Variants in ZDHHC7 observed in about 807,000 individuals in gnomAD.
ZDHHC7 encodes the protein palmitoyltransferase ZDHHC7.
ZDHHC7 carries 12 observed loss-of-function variants against 34.1 expected under a neutral mutation model. That is an observed-to-expected ratio of 0.35 (90% confidence interval 0.23 to 0.57). The LOEUF (loss-of-function observed/expected upper bound fraction) is 0.57, where lower values mean the gene tolerates loss of function less well. ZDHHC7 is among the 20% of genes least tolerant of loss of function. The pLI is 0.84. For missense variants in ZDHHC7, 388 were observed against 402.7 expected (o/e 0.96, Z 0.31); for synonymous variants, 185 against 155.4 (o/e 1.19, Z -1.42).
intron 3 of ZDHHC7, among the ~76,000 whole-genome samples, chr16:84,986,835 G>T (rs9940441): frequency 0.07 from 10,687 of 152,212 alleles, 1,064 homozygotes; most frequent in African/African-American, 0.23. Context: ...CAACTGTTCA[G>T]TTCAGAGGTG....
intron 3 of ZDHHC7, among the ~76,000 whole-genome samples, chr16:84,987,267 A>C (rs2072448672): frequency 6.6e-6 from 1 of 152,234 alleles, no homozygotes; most frequent in African/African-American, 2.4e-5. Context: ...CTTCCAAAGA[A>C]GACACACAAA....
At chr16:84,980,113 A>C (rs1416359001) in intron 4 of ZDHHC7, among the ~76,000 whole-genome samples, 2 of 151,320 alleles carry the variant, frequency 1.3e-5, no homozygotes, top group Non-Finnish European at 2.9e-5. Context: ...GGCACCAGTC[A>C]CCATGCCCGG....
At chr16:85,015,251 C>G (rs554296085), upstream of ZDHHC7, among the ~76,000 whole-genome samples, 1 of 152,152 alleles carries the variant, frequency 6.6e-6, no homozygotes, top group South Asian at 2.1e-4. Context: ...AGGCGCCCAC[C>G]ACCATGCCCA....
rs193222185 is a variant in ZDHHC7, at chr16:84,982,970, G to A, written c.316-976C>T. ...GGCCAGAGCTGGCTGCAACAGCAGAGGCTTTGTTCTTTGGGCAGTGGAGAT... is the reference window on the plus strand; with the variant it reads ...GGCCAGAGCTGGCTGCAACAGCAGAAGCTTTGTTCTTTGGGCAGTGGAGAT... On this transcript the variant is annotated intron_variant, in intron 3 of 7. Coordinates refer to ENST00000313732, the MANE Select transcript of ZDHHC7 (RefSeq NM_017740.3). Among the ~76,000 whole-genome samples the A allele has an allele frequency of 9.4e-3, 1,436 of 152,330 alleles. 11 individuals carry two copies. The highest frequency in any genetic ancestry group is 0.015 in the Non-Finnish European group (1,026 of 68,036).
At chr16:84,978,343 C>A (rs182645250) in intron 5 of ZDHHC7, among the ~76,000 whole-genome samples, 14 of 152,296 alleles carry the variant, frequency 9.2e-5, no homozygotes, top group Admixed American at 5.2e-4. Context: ...CATGTGTATA[C>A]CTCCATCTTG....
the ZDHHC7 span, among the ~76,000 whole-genome samples, chr16:85,019,884 C>T: frequency 6.6e-6 from 1 of 152,124 alleles, no homozygotes; most frequent in Admixed American, 6.6e-5. Context: ...GCCAGGATGC[C>T]GCCCCAAATG....
chr16:84,997,514 G>A (rs201256287), intron 1 of ZDHHC7, among the ~76,000 whole-genome samples: 1 of 150,062 alleles, frequency 6.7e-6, no homozygotes, highest in African/African-American at 2.4e-5. Context: ...CTCGTGATCC[G>A]CCCGCCTCGG....
chr16:85,021,927 C>T, the ZDHHC7 span, among the ~76,000 whole-genome samples: 4 of 151,428 alleles, frequency 2.6e-5, no homozygotes, highest in Admixed American at 6.6e-5. Context: ...GAGGCCGAGG[C>T]GGTTGGATCA....
chr16:85,027,572 G>A, the ZDHHC7 span, among the ~76,000 whole-genome samples: 1 of 152,236 alleles, frequency 6.6e-6, no homozygotes, highest in Non-Finnish European at 1.5e-5. Flanking sequence ...GAGCCAGCAA[G>A]GGGGCGCCGG....
In ZDHHC7 at chr16:84,976,172, T is replaced by C; in HGVS notation, c.*171A>G. 1.2e-6 allele frequency: 1 copy of C among 845,970 alleles called. No homozygotes were observed. The highest frequency in any genetic ancestry group is 1.8e-6 in the Non-Finnish European group (1 of 556,684). 52.4% of individuals were successfully genotyped at this position (845,970 alleles called of 1,614,324 possible). ...GTTGTACAGGTGGGGACTGAGAGCC[T>C]CTTCCTCTGCCATCTGTGACTATAA... is the stretch of plus-strand genomic sequence containing the variant. On this transcript the variant is annotated 3_prime_UTR_variant, in exon 8 of 8. Coordinates refer to ENST00000313732, the MANE Select transcript of ZDHHC7 (RefSeq NM_017740.3).
At chr16:84,988,866 G>T (rs1224608167) in intron 3 of ZDHHC7, 2 of 1,551,582 alleles carry the variant, frequency 1.3e-6, no homozygotes, top group Non-Finnish European at 1.7e-6. Context: ...GCAGTCACTG[G>T]ATTTTTCCTA....
At chr16:84,985,792 T>C (rs1031733739) in intron 3 of ZDHHC7, among the ~76,000 whole-genome samples, 8 of 151,616 alleles carry the variant, frequency 5.3e-5, no homozygotes, top group Non-Finnish European at 8.8e-5. Flanking sequence ...CCATCTCTAC[T>C]AAAAATACAA....
intron 1 of ZDHHC7, among the ~76,000 whole-genome samples, chr16:85,002,703 C>T (rs1238042346): frequency 2.0e-5 from 3 of 152,046 alleles, no homozygotes; most frequent in South Asian, 2.1e-4. Context: ...TGAATTTTAT[C>T]GATAGGAGAA....
At chr16:85,019,292 C>T in the ZDHHC7 span, among the ~76,000 whole-genome samples, 2 of 151,124 alleles carry the variant, frequency 1.3e-5, no homozygotes, top group Admixed American at 6.6e-5. Flanking sequence ...GGAATGCAAG[C>T]CTCACAAAAG....
chr16:85,024,074 C>T, the ZDHHC7 span, among the ~76,000 whole-genome samples: 2 of 151,862 alleles, frequency 1.3e-5, no homozygotes, highest in African/African-American at 4.8e-5. Flanking sequence ...TGTGCCACCA[C>T]GCTTGACTAA....
chr16:85,003,488 A>T (rs889521557), intron 1 of ZDHHC7, among the ~76,000 whole-genome samples: 11 of 152,366 alleles, frequency 7.2e-5, no homozygotes, highest in Admixed American at 3.3e-4. Flanking sequence ...ATCAACTGGC[A>T]ATCATGAAAT....
intron 5 of ZDHHC7, 87 bp downstream of exon 5, chr16:84,979,102 C>A (rs564014500): frequency 7.6e-6 from 10 of 1,318,602 alleles, no homozygotes; most frequent in South Asian, 2.9e-5. Flanking sequence ...ACTGGCCTGA[C>A]GTTAGTAGAT....
chr16:85,025,567 G>A, the ZDHHC7 span, among the ~76,000 whole-genome samples: 2 of 152,190 alleles, frequency 1.3e-5, no homozygotes, highest in East Asian at 3.9e-4. Flanking sequence ...CTGCCACCAT[G>A]CCCAGCTAAT....
At chr16:84,999,103 A>G (rs1182505328) in intron 1 of ZDHHC7, among the ~76,000 whole-genome samples, 1 of 152,190 alleles carries the variant, frequency 6.6e-6, no homozygotes, top group African/African-American at 2.4e-5. Flanking sequence ...TCTATGCACC[A>G]GCCAGAAACT....
Sources: allele counts gnomAD v4.1 joint callset (sites outside exome capture counted in the v4.1 genomes callset), GRCh38; gene constraint gnomAD v4.1.1; transcripts MANE v1.5; gene names NCBI Gene and HGNC (gene_info 2026-07-23, HGNC 2026-07-21).